The following ECHDC1 variants were observed in gnomAD, a reference collection of about 807,000 sequenced individuals.
The protein encoded by ECHDC1 is ethylmalonyl-CoA decarboxylase 1, also known as ethylmalonyl-CoA decarboxylase.
In ECHDC1, 29 loss-of-function variants were observed where a neutral mutation model predicts 29.7. The ratio of observed to expected loss-of-function variants is 0.98; its 90% CI spans 0.73 to 1.33. The LOEUF is 1.33. ECHDC1 is among the 40% of genes most tolerant of loss of function. The pLI is 0.00. For missense variants in ECHDC1, 328 were observed against 350.0 expected, an observed-to-expected ratio of 0.94 and a Z score of 0.50; for synonymous variants, 126 against 123.1, an observed-to-expected ratio of 1.02 and a Z score of -0.15.
intron 1 of ECHDC1, among the ~76,000 whole-genome samples, chr6:127,339,579 C>A (rs1006072616): frequency 2.0e-5 from 3 of 151,858 alleles, no homozygotes; most frequent in Non-Finnish European, 4.4e-5. Flanking sequence ...TTGAGACCAG[C>A]CTGGCCAACA....
chr6:127,308,939 A>G (rs1011196151), intron 5 of ECHDC1, among the ~76,000 whole-genome samples: 24 of 152,308 alleles, frequency 1.6e-4, no homozygotes, highest in African/African-American at 5.1e-4. Flanking sequence ...TAAAACACCA[A>G]TGAAAGAAAT....
Position 127,327,063 on chromosome 6 carries a change from GC to G in ECHDC1, c.301del (p.Ala101GlnfsTer11). 1 of 1,612,910 alleles carries G rather than the reference GC, an allele frequency of 6.2e-7. No homozygotes were observed. On this transcript the variant is annotated frameshift_variant, in exon 3 of 6. Transcript: ENST00000454859. LOFTEE classifies it high-confidence loss of function. ...TEGKGLIVRG[A>X]KNTFSSGSDL... is the part of the protein sequence containing the mutation. The stretch of plus-strand genomic sequence containing the variant: ...AGATCCTGAAGAGAAAGTATTTTTT[GC>G]CCCACGGACAATGAGGCCTTTCCCC...
intron 3 of ECHDC1, among the ~76,000 whole-genome samples, chr6:127,317,362 C>T (rs1782472049): frequency 6.6e-6 from 1 of 151,942 alleles, no homozygotes; most frequent in African/African-American, 2.4e-5. Flanking sequence ...TCATCTACTT[C>T]CATATAAAGT....
intron 3 of ECHDC1, among the ~76,000 whole-genome samples, chr6:127,318,487 C>G (rs1320224487): frequency 6.6e-6 from 1 of 152,056 alleles, no homozygotes; most frequent in Non-Finnish European, 1.5e-5. Context: ...ACTAGAGAAC[C>G]TAAGAAGTTC....
intron 5 of ECHDC1, among the ~76,000 whole-genome samples, chr6:127,301,460 T>A (rs546828156): frequency 6.6e-6 from 1 of 152,248 alleles, no homozygotes; most frequent in Non-Finnish European, 1.5e-5. Context: ...AAGGAACTTA[T>A]CTTTTTAGCA....
chr6:127,314,775 AATTAT>A, intron 5 of ECHDC1, 36 bp downstream of exon 5: 16 of 1,489,530 alleles, frequency 1.1e-5, no homozygotes, highest in Non-Finnish European at 1.4e-5. Flanking sequence ...TGAGCAAGTT[AATTAT>A]ATTTGTGCAA....
intron 3 of ECHDC1, among the ~76,000 whole-genome samples, chr6:127,320,822 T>A (rs559796170): frequency 6.6e-6 from 1 of 152,244 alleles, no homozygotes; most frequent in East Asian, 1.9e-4. Context: ...ATAGGGACAG[T>A]TGGAGCTCTT....
intron 5 of ECHDC1, among the ~76,000 whole-genome samples, chr6:127,312,911 C>T (rs1782057371): frequency 6.6e-6 from 1 of 151,998 alleles, no homozygotes; most frequent in South Asian, 2.1e-4. Context: ...TTAAAGAAGG[C>T]AGACATTAAA....
intron 1 of ECHDC1, among the ~76,000 whole-genome samples, chr6:127,332,717 C>T (rs1784073053): frequency 6.6e-6 from 1 of 152,118 alleles, no homozygotes; most frequent in Admixed American, 6.6e-5. Flanking sequence ...TGCATTTTTA[C>T]ATAAACAATA....
At chr6:127,310,408 T>C (rs1781809732) in intron 5 of ECHDC1, among the ~76,000 whole-genome samples, 1 of 151,416 alleles carries the variant, frequency 6.6e-6, no homozygotes, top group Non-Finnish European at 1.5e-5. Flanking sequence ...AAAAAAAAAG[T>C]TGTTTTCAAT....
chr6:127,327,923 C>A (rs990329258), intron 2 of ECHDC1, among the ~76,000 whole-genome samples: 2 of 152,172 alleles, frequency 1.3e-5, no homozygotes, highest in African/African-American at 4.8e-5. Context: ...TCACAAAGTT[C>A]ATGGTTTTCA....
At chr6:127,326,607 TA>T (rs765796135) in intron 3 of ECHDC1, 11 of 408,592 alleles carry the variant, frequency 2.7e-5, no homozygotes, top group South Asian at 1.8e-4. Context: ...AAATTAAAAA[TA>T]TTTTTTAAAA....
intron 3 of ECHDC1, among the ~76,000 whole-genome samples, chr6:127,321,058 T>C (rs907717509): frequency 1.3e-5 from 2 of 152,120 alleles, no homozygotes; most frequent in African/African-American, 2.4e-5. Flanking sequence ...AAAAATACAG[T>C]AGTAAAAACA....
At chr6:127,323,916 C>T (rs1783067338) in intron 3 of ECHDC1, among the ~76,000 whole-genome samples, 2 of 152,088 alleles carry the variant, frequency 1.3e-5, no homozygotes, top group Non-Finnish European at 2.9e-5. Flanking sequence ...TCTACTCTGT[C>T]AGGGTAATTC....
chr6:127,334,497 T>C (rs1249978495), intron 1 of ECHDC1, among the ~76,000 whole-genome samples: 1 of 152,176 alleles, frequency 6.6e-6, no homozygotes, highest in Non-Finnish European at 1.5e-5. Flanking sequence ...TTTAGAGTAA[T>C]GTGGATATGA....
chr6:127,293,789 T>C (rs995893444), intron 5 of ECHDC1, among the ~76,000 whole-genome samples: 1 of 152,122 alleles, frequency 6.6e-6, no homozygotes, highest in Non-Finnish European at 1.5e-5. Flanking sequence ...TATTGATAGG[T>C]CCGTAAAAAT....
intron 5 of ECHDC1, chr6:127,294,608 T>A (rs1780443983): frequency 6.6e-6 from 1 of 152,136 alleles, no homozygotes; most frequent in Non-Finnish European, 1.5e-5. Context: ...GTGTGAAAAC[T>A]TTTATTTGTT....
intron 3 of ECHDC1, 45 bp from the exon 4 acceptor site, chr6:127,316,547 T>C (rs150979163): frequency 0.01 from 15,213 of 1,484,218 alleles, 247 homozygotes; most frequent in South Asian, 0.049. Context: ...AATGCAAATA[T>C]ATTACATTAA....
chr6:127,342,639 C>A, intron 1 of ECHDC1: 1 of 412,028 alleles, frequency 2.4e-6, no homozygotes, highest in South Asian at 6.5e-5. Flanking sequence ...CCTCTAGCAC[C>A]TAGAGCAACA....
Sources: gnomAD v4.1 joint callset for allele counts (sites outside exome capture counted in the v4.1 genomes callset) on GRCh38, gnomAD v4.1.1 for gene constraint, MANE v1.5 for transcripts, NCBI Gene and HGNC (gene_info 2026-07-23, HGNC 2026-07-21) for gene names.